PRKCH: variants seen among roughly 807,000 people sequenced by gnomAD.
PRKCH encodes protein kinase C eta type.
A neutral mutation model predicts 82.5 loss-of-function variants in PRKCH; 28 were observed. The ratio of observed to expected loss-of-function variants is 0.34; its 90% CI spans 0.25 to 0.47. The LOEUF (loss-of-function observed/expected upper bound fraction) is 0.47, where lower values mean the gene tolerates loss of function less well. Ranked by LOEUF, PRKCH falls within the 20% of genes least tolerant of loss-of-function variation. PRKCH has a pLI of 1.00. For missense variants in PRKCH, 705 were observed against 881.8 expected, an observed-to-expected ratio of 0.80 and a Z score of 2.54; for synonymous variants, 322 against 327.4, an observed-to-expected ratio of 0.98 and a Z score of 0.18.
chr14:61,321,946 G>A lies in PRKCH; in HGVS notation c.-156G>A. 1 of 719,586 alleles carries A rather than the reference G, an allele frequency of 1.4e-6. No individual in the cohort carries two copies. The highest frequency in any genetic ancestry group is 2.2e-6 in the Non-Finnish European group (1 of 454,798). 44.6% of individuals were successfully genotyped at this position (719,586 alleles called of 1,614,324 possible). A position where few individuals can be genotyped will look rare whatever the true frequency, so the allele number is the denominator to read the frequency against. ...GAGGGGAGGGAAAAGTCCCACGGAGGAGGCAGAATGGCCAGTCGAGGGGCG... is the reference window on the plus strand; with the variant it reads ...GAGGGGAGGGAAAAGTCCCACGGAGAAGGCAGAATGGCCAGTCGAGGGGCG... On this transcript the variant is annotated 5_prime_UTR_variant, in exon 1 of 14. Transcript: ENST00000332981. This position sits in a 1 kb window ranked among gnomAD's most constrained non-coding sequence, Gnocchi z 4.1.
chr14:61,357,088 G>A (rs2046159962), intron 1 of PRKCH, among the ~76,000 whole-genome samples: 1 of 152,192 alleles, frequency 6.6e-6, no homozygotes, highest in African/African-American at 2.4e-5. Flanking sequence ...CAAGTCATCG[G>A]AACACTGGTC....
In PRKCH at chr14:61,202,695, TAC is replaced by T. The variant is rs373069295; in HGVS notation, c.-19+15029_-19+15030del. Among the ~76,000 whole-genome samples the T allele has an allele frequency of 4.9e-3, 750 of 152,044 alleles. 14 individuals carry two copies. The highest frequency in any genetic ancestry group is 0.017 in the African/African-American group (694 of 41,428). On this transcript the variant is annotated intron_variant, in intron 1 of 3. Transcript: ENST00000555185. ...AGTGAGGTTAGTTTTTATCTCCACTTACAAAAAAATTAATAGACTATTCTTTG... is the reference window on the plus strand; with the variant it reads ...AGTGAGGTTAGTTTTTATCTCCACTTAAAAAAATTAATAGACTATTCTTTG...
At chr14:61,243,637 A>G (rs2044858921) in intron 1 of PRKCH, among the ~76,000 whole-genome samples, 1 of 151,798 alleles carries the variant, frequency 6.6e-6, no homozygotes, top group Non-Finnish European at 1.5e-5. Context: ...AGAATTGAAA[A>G]TCAAGGTTTT....
At chr14:61,346,928 C>T (rs2046000202) in intron 1 of PRKCH, among the ~76,000 whole-genome samples, 1 of 152,146 alleles carries the variant, frequency 6.6e-6, no homozygotes, top group Non-Finnish European at 1.5e-5. Flanking sequence ...CTTTTCATTC[C>T]CTCATTAGCT....
At chr14:61,386,235 G>A (rs755255357) in intron 1 of PRKCH, among the ~76,000 whole-genome samples, 1 of 152,196 alleles carries the variant, frequency 6.6e-6, no homozygotes, top group Admixed American at 6.5e-5. Context: ...AAGGTAGGAA[G>A]GGGTTTAGTG....
chr14:61,541,293 G>A (rs1286853834), intron 12 of PRKCH, among the ~76,000 whole-genome samples: 3 of 152,266 alleles, frequency 2.0e-5, no homozygotes, highest in Non-Finnish European at 2.9e-5. Flanking sequence ...TGCGTGGTGT[G>A]CTTCTCGTCA....
chr14:61,257,460 C>T (rs2045007640), intron 1 of PRKCH, among the ~76,000 whole-genome samples: 1 of 151,904 alleles, frequency 6.6e-6, no homozygotes, highest in Non-Finnish European at 1.5e-5. Flanking sequence ...TTTTTATGAG[C>T]CCACAGAGCT....
At chr14:61,484,579 T>G (rs1055782400) in intron 9 of PRKCH, among the ~76,000 whole-genome samples, 7 of 152,146 alleles carry the variant, frequency 4.6e-5, no homozygotes. Flanking sequence ...TTCACACTAC[T>G]TGCATAGTAT....
intron 12 of PRKCH, among the ~76,000 whole-genome samples, chr14:61,546,309 T>A (rs2043257053): frequency 6.6e-6 from 1 of 152,210 alleles, no homozygotes; most frequent in Non-Finnish European, 1.5e-5. Flanking sequence ...TGACTGGGCC[T>A]GTGCAGCTCT....
chr14:61,204,028 G>A (rs1017970478), intron 1 of PRKCH, among the ~76,000 whole-genome samples: 6 of 151,728 alleles, frequency 4.0e-5, no homozygotes, highest in African/African-American at 1.2e-4. Context: ...AAACTGCTTC[G>A]GGGTCCCCAA....
At chr14:61,324,554 C>G (rs564614742) in intron 1 of PRKCH, among the ~76,000 whole-genome samples, 1 of 151,880 alleles carries the variant, frequency 6.6e-6, no homozygotes, top group Admixed American at 6.6e-5. Flanking sequence ...TAAAGAAAAT[C>G]TTGTTAAAAA....
chr14:61,480,420 G>A (rs1235683439), intron 9 of PRKCH, among the ~76,000 whole-genome samples: 1 of 152,214 alleles, frequency 6.6e-6, no homozygotes, highest in Non-Finnish European at 1.5e-5. Context: ...TGAGAGTAGA[G>A]CTGTAGGTGA....
rs1000215735 is a variant in PRKCH, at chr14:61,529,289, T to C, written c.1572+76T>C. The stretch of plus-strand genomic sequence containing the variant: ...CTGACCAGAAATGCCACTGGCTGCT[T>C]TTATGCACTGCAGCTTTGGAGGCAG... On this transcript the variant is annotated intron_variant, in intron 11 of 13. Transcript: ENST00000332981. The C allele has an allele frequency of 2.0e-6, 3 of 1,508,536 alleles. No individual in the cohort carries two copies. The African/African-American group carries it at 4.2e-5, about 21-fold the overall frequency. 93.4% of individuals were successfully genotyped at this position (1,508,536 alleles called of 1,614,324 possible).
intron 1 of PRKCH, among the ~76,000 whole-genome samples, chr14:61,270,438 C>T (rs1206480895): frequency 6.6e-6 from 1 of 152,206 alleles, no homozygotes; most frequent in East Asian, 1.9e-4. Context: ...TGTCTATACT[C>T]ACCAAAATTC....
At chr14:61,528,977 T>TGTGTGTGTGTGTGG in intron 10 of PRKCH, 98 bp from the exon 11 acceptor site, 1 of 940,536 alleles carries the variant, frequency 1.1e-6, no homozygotes, top group Non-Finnish European at 1.5e-6. Context: ...GCCGCACGTG[T>TGTGTGTGTGTGTGG]GTGTGTGTGT....
chr14:61,269,518 C>A (rs530347530), intron 1 of PRKCH, among the ~76,000 whole-genome samples: 60 of 152,294 alleles, frequency 3.9e-4, no homozygotes, highest in African/African-American at 1.4e-3. Context: ...CTCCTCCCAA[C>A]CTCCACCCTC....
At chr14:61,213,622 TAAAC>T (rs570956264) in intron 1 of PRKCH, among the ~76,000 whole-genome samples, 2 of 152,306 alleles carry the variant, frequency 1.3e-5, no homozygotes, top group African/African-American at 2.4e-5. Flanking sequence ...TCCTCTCAAA[TAAAC>T]AGGGCTATGA....
rs1331217236 is a variant in PRKCH at position 61,280,154 on chromosome 14, C to T, written c.-19+92486C>T. On this transcript the variant is annotated intron_variant, in intron 1 of 3. Coordinates refer to the PRKCH transcript ENST00000555185. This position sits in a 1 kb window ranked among gnomAD's most constrained non-coding sequence, Gnocchi z 5.0. ...ATGTAGACGACCAGCATGACAAAGCCGGTGAGGATGCAGAGGGAGCCGACG... is the reference window on the plus strand; with the variant it reads ...ATGTAGACGACCAGCATGACAAAGCTGGTGAGGATGCAGAGGGAGCCGACG... 1.9e-6 allele frequency: 3 copies of T among 1,613,946 alleles called. No homozygotes were observed. The highest frequency in any genetic ancestry group is 3.3e-5 in the Admixed American group (2 of 59,990).
intron 1 of PRKCH, among the ~76,000 whole-genome samples, chr14:61,310,535 G>T (rs187625681): frequency 6.6e-6 from 1 of 152,236 alleles, no homozygotes; most frequent in African/African-American, 2.4e-5. Flanking sequence ...GCCTTGGGCA[G>T]CTCCACCCCT....
Sources: allele counts gnomAD v4.1 joint callset (sites outside exome capture counted in the v4.1 genomes callset), GRCh38; gene constraint gnomAD v4.1.1; non-coding constraint Gnocchi (gnomAD v3.1); transcripts MANE v1.5; gene names NCBI Gene and HGNC (gene_info 2026-07-23, HGNC 2026-07-21).